Variants in KCNMB4 observed in about 807,000 individuals in gnomAD.
KCNMB4 encodes the protein calcium-activated potassium channel subunit beta-4.
KCNMB4 carries 3 observed loss-of-function variants against 20.7 expected under a neutral mutation model. The observed-to-expected ratio is 0.14, with a 90% confidence interval of 0.07 to 0.37. The LOEUF (loss-of-function observed/expected upper bound fraction) is 0.37, where lower values mean the gene tolerates loss of function less well. KCNMB4 is among the 10% of genes least tolerant of loss of function. The pLI, the probability that KCNMB4 is intolerant of heterozygous loss-of-function variation, is 1.00. For missense variants in KCNMB4, 168 were observed against 265.9 expected (o/e 0.63, Z 2.56); for synonymous variants, 110 against 113.4 (o/e 0.97, Z 0.19).
intron 2 of KCNMB4, among the ~76,000 whole-genome samples, chr12:70,411,108 T>C (rs777680459): frequency 2.0e-5 from 3 of 152,226 alleles, no homozygotes; most frequent in African/African-American, 7.2e-5. Context: ...GATAGACTGA[T>C]GGATGAAATG....
At chr12:70,420,349 G>A (rs1306154140) in intron 2 of KCNMB4, among the ~76,000 whole-genome samples, 1 of 152,146 alleles carries the variant, frequency 6.6e-6, no homozygotes. Flanking sequence ...ATTTTGAGAT[G>A]GGGAAATTAT....
At chr12:70,414,047 C>A (rs1318411560) in intron 2 of KCNMB4, among the ~76,000 whole-genome samples, 1 of 152,062 alleles carries the variant, frequency 6.6e-6, no homozygotes. Flanking sequence ...GCCTGACCAA[C>A]ATGGTGAAAC....
intron 1 of KCNMB4, among the ~76,000 whole-genome samples, chr12:70,379,456 T>C (rs1883745734): frequency 1.3e-5 from 2 of 152,158 alleles, no homozygotes; most frequent in South Asian, 4.1e-4. Context: ...GGTCTGGCTG[T>C]CACCCAGGCT....
At chr12:70,428,157 A>G (rs988870897) in intron 2 of KCNMB4, among the ~76,000 whole-genome samples, 1 of 151,982 alleles carries the variant, frequency 6.6e-6, no homozygotes, top group African/African-American at 2.4e-5. Flanking sequence ...AACTAGGTCT[A>G]CAGGCATGTA....
In KCNMB4 at chr12:70,374,534, A is replaced by G. The variant is rs546941385; in HGVS notation, c.336+7464A>G. ...CATAAATTAATGTGTAAAAAATTGT[A>G]CTTGTGAGTTGTAATATCCTCTTCT... On this transcript the variant is annotated intron_variant, in intron 1 of 2. Coordinates refer to ENST00000258111, the MANE Select transcript of KCNMB4 (RefSeq NM_014505.6). Among the ~76,000 whole-genome samples the G allele has an allele frequency of 8.5e-5, 13 of 152,348 alleles. No homozygotes were observed. The South Asian group carries it at 2.5e-3, about 29-fold the overall frequency.
chr12:70,425,529 C>T (rs1286308886), intron 2 of KCNMB4, among the ~76,000 whole-genome samples: 9 of 152,202 alleles, frequency 5.9e-5, no homozygotes, highest in Non-Finnish European at 8.8e-5. Context: ...GCCTGAAAAC[C>T]TATGACATAG....
chr12:70,391,910 T>C (rs1050807763), intron 1 of KCNMB4, among the ~76,000 whole-genome samples: 1 of 152,176 alleles, frequency 6.6e-6, no homozygotes, highest in Non-Finnish European at 1.5e-5. Flanking sequence ...CAACATCACA[T>C]TGTAAGAGTA....
chr12:70,430,452 G>T lies in KCNMB4; in HGVS notation c.465-33G>T, dbSNP rs186006307. The T allele has an allele frequency of 4.2e-5, 67 of 1,609,538 alleles. No individual in the cohort carries two copies. In the African/African-American group the frequency reaches 8.2e-4, roughly 20 times the overall value. ...TTTTTCAGTGCCAAGGCATTTGACTGCCCTTTCTTTCTTATTCTCCATTGT... is the reference window on the plus strand; with the variant it reads ...TTTTTCAGTGCCAAGGCATTTGACTTCCCTTTCTTTCTTATTCTCCATTGT... On this transcript the variant is annotated intron_variant, in intron 2 of 2. Transcript: ENST00000258111.
intron 1 of KCNMB4, among the ~76,000 whole-genome samples, chr12:70,377,407 C>T (rs543739104): frequency 6.6e-6 from 1 of 152,228 alleles, no homozygotes; most frequent in African/African-American, 2.4e-5. Flanking sequence ...ACCATTATGT[C>T]TTAAAAATGT....
At chr12:70,381,274 A>T (rs1474093467) in intron 1 of KCNMB4, among the ~76,000 whole-genome samples, 1 of 152,248 alleles carries the variant, frequency 6.6e-6, no homozygotes, top group Non-Finnish European at 1.5e-5. Context: ...GAATCTTCAT[A>T]CAAGAATGTA....
At chr12:70,408,164 A>G (rs1868664171) in intron 2 of KCNMB4, among the ~76,000 whole-genome samples, 2 of 152,046 alleles carry the variant, frequency 1.3e-5, no homozygotes, top group South Asian at 4.2e-4. Flanking sequence ...CACTCAAGAC[A>G]GGATTTTTCA....
intron 1 of KCNMB4, among the ~76,000 whole-genome samples, chr12:70,369,462 T>C (rs1252609248): frequency 1.3e-5 from 2 of 152,246 alleles, no homozygotes; most frequent in Admixed American, 6.5e-5. Context: ...ACTTTACCTC[T>C]TTATTGAAGG....
chr12:70,408,403 G>T (rs1030356253), intron 2 of KCNMB4, among the ~76,000 whole-genome samples: 1 of 152,096 alleles, frequency 6.6e-6, no homozygotes, highest in Non-Finnish European at 1.5e-5. Context: ...TTTCGATTTC[G>T]CTCAAATGCA....
chr12:70,418,751 C>T (rs1245690246), intron 2 of KCNMB4, among the ~76,000 whole-genome samples: 1 of 152,046 alleles, frequency 6.6e-6, no homozygotes, highest in African/African-American at 2.4e-5. Flanking sequence ...TAAGAAGATA[C>T]ATTGACATTT....
At chr12:70,430,128 A>C (rs1869321131) in intron 2 of KCNMB4, among the ~76,000 whole-genome samples, 1 of 152,042 alleles carries the variant, frequency 6.6e-6, no homozygotes, top group African/African-American at 2.4e-5. Context: ...CTCACCCATC[A>C]GTAATTTTTT....
At chr12:70,410,073 A>G (rs1868730752) in intron 2 of KCNMB4, among the ~76,000 whole-genome samples, 4 of 152,142 alleles carry the variant, frequency 2.6e-5, no homozygotes, top group Admixed American at 2.6e-4. Context: ...ACCTGGGGAC[A>G]CCTTCACCTT....
chr12:70,366,727 G>C lies in KCNMB4; in HGVS notation c.-8G>C, dbSNP rs112372380. The C allele has an allele frequency of 3.0e-3, 4,634 of 1,569,892 alleles. 112 individuals are homozygous for C. In the African/African-American group the frequency reaches 0.052, roughly 18 times the overall value. ...GGGGAGCACGCCAGCCGCCGAGAGT[G>C]GGGGGCGATGGCGAAGCTCCGGGTG... On this transcript the variant is annotated 5_prime_UTR_variant, in exon 1 of 3. Coordinates refer to ENST00000258111, the MANE Select transcript of KCNMB4 (RefSeq NM_014505.6).
intron 1 of KCNMB4, among the ~76,000 whole-genome samples, chr12:70,388,733 A>G (rs1374009115): frequency 1.3e-5 from 2 of 152,180 alleles, no homozygotes; most frequent in Non-Finnish European, 2.9e-5. Flanking sequence ...TAAAATGAGA[A>G]TTATAATAGA....
chr12:70,377,404 T>A (rs1213484206), intron 1 of KCNMB4, among the ~76,000 whole-genome samples: 2 of 152,206 alleles, frequency 1.3e-5, no homozygotes, highest in African/African-American at 4.8e-5. Flanking sequence ...AGTACCATTA[T>A]GTCTTAAAAA....
Sources: allele counts gnomAD v4.1 joint callset (sites outside exome capture counted in the v4.1 genomes callset), GRCh38; gene constraint gnomAD v4.1.1; transcripts MANE v1.5; gene names NCBI Gene and HGNC (gene_info 2026-07-23, HGNC 2026-07-21).